The following COL22A1 variants were observed in gnomAD, a reference collection of about 807,000 sequenced individuals.
COL22A1 encodes the protein collagen alpha-1(XXII) chain.
A neutral mutation model predicts 248.9 loss-of-function variants in COL22A1; 221 were observed. The ratio of observed to expected loss-of-function variants is 0.89; its 90% CI spans 0.80 to 0.99. The LOEUF (loss-of-function observed/expected upper bound fraction) is 0.99. Ranked by LOEUF, COL22A1 falls within the 50% of genes least tolerant of loss-of-function variation. COL22A1 has a pLI of 0.00. For missense variants in COL22A1, 2,240 were observed against 2,179.0 expected (o/e 1.03, Z -0.56); for synonymous variants, 891 against 793.4 (o/e 1.12, Z -2.07).
intron 4 of COL22A1, among the ~76,000 whole-genome samples, chr8:138,836,804 T>C (rs150877448): frequency 6.6e-5 from 10 of 152,338 alleles, no homozygotes; most frequent in African/African-American, 2.4e-4. Context: ...TAACAGTTAA[T>C]TTGAATGTGC....
rs749293944 is a variant in COL22A1 at position 138,811,151 on chromosome 8, G to A, written c.1449+648C>T. Among the ~76,000 whole-genome samples the A allele has an allele frequency of 6.4e-4, 97 of 152,084 alleles. 2 individuals carry two copies. The highest frequency in any genetic ancestry group is 2.2e-4 in the Non-Finnish European group (15 of 68,022). ...AAAAGAAAACAAATCACAGCCCTGG[G>A]CACACAGTGAGATATTTATTCTAGT... On this transcript the variant is annotated intron_variant, in intron 9 of 64. Transcript: ENST00000303045.
At chr8:138,758,575 G>A (rs1833212818) in intron 18 of COL22A1, among the ~76,000 whole-genome samples, 1 of 152,184 alleles carries the variant, frequency 6.6e-6, no homozygotes, top group Non-Finnish European at 1.5e-5. Flanking sequence ...GCAAGAAATT[G>A]TAATTGTCTA....
At chr8:138,838,166 C>A (rs1820579938) in intron 4 of COL22A1, among the ~76,000 whole-genome samples, 1 of 152,142 alleles carries the variant, frequency 6.6e-6, no homozygotes, top group Non-Finnish European at 1.5e-5. Context: ...GGCAATTTCT[C>A]AGCCCCTTAA....
chr8:138,660,899 A>AAAC (rs1554736015), intron 43 of COL22A1, among the ~76,000 whole-genome samples: 14 of 32,102 alleles, frequency 4.4e-4, no homozygotes, highest in Admixed American at 1.4e-3. Context: ...CAGACACACA[A>AAAC]ACACACACAT....
intron 1 of COL22A1, among the ~76,000 whole-genome samples, chr8:138,902,242 C>G (rs1814641060): frequency 6.6e-6 from 1 of 152,168 alleles, no homozygotes; most frequent in Non-Finnish European, 1.5e-5. Flanking sequence ...AAAGCAGAGG[C>G]CACTGCCCCT....
At chr8:138,785,321 C>G (rs1399189685) in intron 12 of COL22A1, among the ~76,000 whole-genome samples, 1 of 152,232 alleles carries the variant, frequency 6.6e-6, no homozygotes, top group Non-Finnish European at 1.5e-5. Context: ...TGCTCCAACC[C>G]CTACCTGCCT....
intron 10 of COL22A1, among the ~76,000 whole-genome samples, chr8:138,806,085 TAATG>T (rs1563788370): frequency 4.2e-4 from 2 of 4,748 alleles, no homozygotes. Flanking sequence ...ATGGTGTGTG[TAATG>T]GTGTGTGATG....
At position 138,720,726 on chromosome 8, in the gene COL22A1, G is replaced by C; in HGVS notation, c.2355+13C>G. ...ATAGCAAGCATAATGGGAAAAAGAGGCAAAGTCCATACCCGAAGGCCTGGT... is the reference window on the plus strand; with the variant it reads ...ATAGCAAGCATAATGGGAAAAAGAGCCAAAGTCCATACCCGAAGGCCTGGT... On this transcript the variant is annotated intron_variant, in intron 27 of 64. Coordinates refer to ENST00000303045, the MANE Select transcript of COL22A1 (RefSeq NM_152888.3). The C allele has an allele frequency of 6.2e-7, 1 of 1,610,460 alleles. No homozygotes were observed.
At chr8:138,688,350 G>A (rs191866146) in intron 37 of COL22A1, among the ~76,000 whole-genome samples, 6 of 151,888 alleles carry the variant, frequency 4.0e-5, no homozygotes, top group East Asian at 3.9e-4. Flanking sequence ...GTAAAACCCC[G>A]TCTCTGCAAA....
chr8:138,759,369 G>A (rs967094591), intron 18 of COL22A1, among the ~76,000 whole-genome samples: 3 of 152,202 alleles, frequency 2.0e-5, no homozygotes, highest in South Asian at 2.1e-4. Context: ...GATGCTGATC[G>A]GGTCTCAGCC....
At chr8:138,791,002 A>T (rs1040126321) in intron 12 of COL22A1, among the ~76,000 whole-genome samples, 33 of 152,302 alleles carry the variant, frequency 2.2e-4, no homozygotes, top group African/African-American at 7.5e-4. Flanking sequence ...GCTCATTATA[A>T]ACTATTTTGT....
chr8:138,589,374 G>A lies in COL22A1; in HGVS notation c.4760C>T (p.Thr1587Ile). 6.2e-7 allele frequency: 1 copy of A among 1,608,630 alleles called. No homozygotes were observed. ...GAGGCCAGGATGTCCAGCTGGTCCT[G>A]TCTCCCCTTGAGGGCCAGGGATCCC... is the stretch of plus-strand genomic sequence containing the variant. ...LPGIPGPQGE[T>I]GPAGHPGLPG... is the part of the protein sequence containing the mutation. The change falls in exon 65 of 65, where the codon ACA (threonine) becomes ATA (isoleucine). Residue 1587 changes from threonine (T) to isoleucine (I), a missense_variant. Transcript: ENST00000303045.
chr8:138,857,765 C>T (rs566746164), intron 3 of COL22A1, among the ~76,000 whole-genome samples: 1 of 152,326 alleles, frequency 6.6e-6, no homozygotes, highest in African/African-American at 2.4e-5. Context: ...TGTGGTCCAA[C>T]CCCCTTGTTT....
At chr8:138,782,636 A>T (rs1418278681) in intron 12 of COL22A1, among the ~76,000 whole-genome samples, 1 of 152,210 alleles carries the variant, frequency 6.6e-6, no homozygotes, top group Non-Finnish European at 1.5e-5. Flanking sequence ...TGAGACCTTA[A>T]ACACACCCTG....
intron 35 of COL22A1, among the ~76,000 whole-genome samples, chr8:138,691,737 C>T (rs1427174121): frequency 7.3e-6 from 1 of 137,210 alleles, no homozygotes; most frequent in Non-Finnish European, 1.5e-5. Flanking sequence ...TGTGAGTGTG[C>T]ATGTTTGTGG....
At chr8:138,625,742 C>T (rs373825120) in intron 51 of COL22A1, among the ~76,000 whole-genome samples, 16 of 152,218 alleles carry the variant, frequency 1.1e-4, no homozygotes, top group African/African-American at 3.9e-4. Flanking sequence ...TGATAATATG[C>T]ATTATGGTGC....
At chr8:138,589,471 G>C (rs1262195892) in intron 64 of COL22A1, 31 bp from the exon 65 acceptor site, 2 of 1,466,486 alleles carry the variant, frequency 1.4e-6, no homozygotes, top group Non-Finnish European at 1.8e-6. Context: ...AACAGAAGGT[G>C]GTTCAAGATC....
At chr8:138,631,896 TGTTCCTCATTGGAACACTAAATTTA>T (rs1820750906) in intron 49 of COL22A1, among the ~76,000 whole-genome samples, 2 of 152,206 alleles carry the variant, frequency 1.3e-5, no homozygotes, top group Non-Finnish European at 2.9e-5. Flanking sequence ...ATTTATTTAG[TGTTCCTCATTGGAACACTAAATTTA>T]GTTCCTCATT....
rs777003263 is a variant in COL22A1 at position 138,662,011 on chromosome 8, G to T, written c.3240+19C>A. 2 of 1,605,364 alleles carry T rather than the reference G, an allele frequency of 1.2e-6. No individual in the cohort carries two copies. Among genetic ancestry groups the T allele is most frequent in the East Asian group, 2.2e-5 (1 of 44,486 alleles). ...ATGTAAGGGCCTTCACTGAGTCCAC[G>T]CCATTTCTCTGTACTTACGTCCCGG... On this transcript the variant is annotated intron_variant, in intron 43 of 64. Transcript: ENST00000303045.
Sources: gnomAD v4.1 joint callset for allele counts (sites outside exome capture counted in the v4.1 genomes callset) on GRCh38, gnomAD v4.1.1 for gene constraint, MANE v1.5 for transcripts, NCBI Gene and HGNC (gene_info 2026-07-23, HGNC 2026-07-21) for gene names.